Variants in VWDE observed in about 807,000 individuals in gnomAD.
VWDE encodes von Willebrand factor D and EGF domains, also known as von Willebrand factor D and EGF domain-containing protein.
VWDE carries 207 observed loss-of-function variants against 178.4 expected under a neutral mutation model. That is an observed-to-expected ratio of 1.16 (90% CI 1.04 to 1.30). The LOEUF is 1.30. Ranked by LOEUF, VWDE falls within the 50% of genes most tolerant of loss-of-function variation. VWDE has a pLI of 0.00. For synonymous variants in VWDE, 738 were observed against 651.4 expected (o/e 1.13, Z -2.02); for missense variants, 2,287 against 1,901.3 (o/e 1.20, Z -3.77).
Position 12,380,737 on chromosome 7 carries a change from G to C in VWDE, c.542-4C>G, listed in dbSNP as rs1473846965. The C allele has an allele frequency of 1.9e-6, 3 of 1,550,848 alleles. No homozygotes were observed. Among genetic ancestry groups the C allele is most frequent in the Middle Eastern group, 1.7e-4 (1 of 5,986 alleles). ...GGCAATGAGGCAGCCAGCTGACCTG[G>C]GGAGAAAATGCATAATTTGTAACTG... is the stretch of plus-strand genomic sequence containing the variant. On this transcript the variant is annotated splice_polypyrimidine_tract_variant and splice_region_variant and intron_variant, in intron 4 of 28. Transcript: ENST00000275358.
In VWDE at chr7:12,336,246, G is replaced by A. The variant is rs200181513; in HGVS notation, c.4559-10C>T. On this transcript the variant is annotated splice_polypyrimidine_tract_variant and intron_variant, in intron 26 of 28. Coordinates refer to ENST00000275358, the MANE Select transcript of VWDE (RefSeq NM_001135924.3). ...TTCTGCAAGCAGATAGCTGCCAATC[G>A]AAATATAAACAAGTTAAAATTTTAA... The A allele has an allele frequency of 6.6e-5, 102 of 1,549,002 alleles. 1 individual carries two copies. Among genetic ancestry groups the A allele is most frequent in the Non-Finnish European group, 7.3e-5 (84 of 1,145,742 alleles).
At chr7:12,402,644 T>A (rs1366638004) in intron 1 of VWDE, among the ~76,000 whole-genome samples, 1 of 152,180 alleles carries the variant, frequency 6.6e-6, no homozygotes, top group Non-Finnish European at 1.5e-5. Context: ...ATGTATTTTT[T>A]AAAGTTATTC....
intron 2 of VWDE, among the ~76,000 whole-genome samples, chr7:12,390,930 T>C (rs1473436524): frequency 2.0e-5 from 3 of 152,142 alleles, no homozygotes; most frequent in Non-Finnish European, 4.4e-5. Context: ...AATAATTACA[T>C]GTACATTCGT....
intron 28 of VWDE, among the ~76,000 whole-genome samples, chr7:12,332,146 T>C (rs777700103): frequency 1.3e-5 from 2 of 150,338 alleles, no homozygotes; most frequent in Non-Finnish European, 2.9e-5. Flanking sequence ...AATTTATGTT[T>C]TAACCTATGT....
chr7:12,400,991 C>T (rs1471205266), intron 1 of VWDE, among the ~76,000 whole-genome samples: 1 of 152,102 alleles, frequency 6.6e-6, no homozygotes, highest in Non-Finnish European at 1.5e-5. Context: ...ACAGGGAAAG[C>T]ATTTTTAAAA....
At chr7:12,387,715 AAC>A (rs376163746) in intron 3 of VWDE, among the ~76,000 whole-genome samples, 166 of 152,214 alleles carry the variant, frequency 1.1e-3, no homozygotes, top group African/African-American at 3.7e-3. Flanking sequence ...TGGGGAGTCT[AAC>A]AACCTCAGTA....
intron 15 of VWDE, among the ~76,000 whole-genome samples, chr7:12,360,405 A>G (rs1334038906): frequency 6.6e-6 from 1 of 152,236 alleles, no homozygotes; most frequent in African/African-American, 2.4e-5. Context: ...TTATGAATAT[A>G]TGGAAATGGA....
At chr7:12,402,762 G>C (rs1664838790) in intron 1 of VWDE, among the ~76,000 whole-genome samples, 1 of 152,004 alleles carries the variant, frequency 6.6e-6, no homozygotes. Context: ...TTTTGTATAG[G>C]ATAGTGTTTG....
chr7:12,403,222 A>G (rs1784994393), intron 1 of VWDE, among the ~76,000 whole-genome samples: 1 of 152,220 alleles, frequency 6.6e-6, no homozygotes, highest in South Asian at 2.1e-4. Context: ...TAAAATGTTC[A>G]CCAATGAATT....
rs180734327 is a variant in VWDE at position 12,337,045 on chromosome 7, C to G, written c.4501G>C (p.Val1501Leu). The G allele has an allele frequency of 6.7e-5, 104 of 1,551,598 alleles. No individual in the cohort carries two copies. The South Asian group carries it at 1.2e-3, about 18-fold the overall frequency. Residue 1501 changes from valine (V) to leucine (L), a missense_variant, in exon 26 of 29, where the codon GTG becomes CTG. Transcript: ENST00000275358. Reference protein sequence around the residue: ...DPTCMNGGKCVGPSTCSCPSG... With the variant: ...DPTCMNGGKCLGPSTCSCPSG... Reference sequence around the variant, plus strand: ...GGACAAGAGCAAGTGCTTGGTCCCACACATTTTCCTCCATTCATGCACGTA... The same window carrying G: ...GGACAAGAGCAAGTGCTTGGTCCCAGACATTTTCCTCCATTCATGCACGTA...
chr7:12,333,787 T>C (rs1044568457), intron 27 of VWDE: 2 of 368,414 alleles, frequency 5.4e-6, no homozygotes, highest in East Asian at 4.1e-5. Context: ...ACAACACTTT[T>C]GGAATTCTAT....
At chr7:12,343,414 T>C (rs1215565491) in intron 21 of VWDE, among the ~76,000 whole-genome samples, 1 of 152,200 alleles carries the variant, frequency 6.6e-6, no homozygotes, top group Non-Finnish European at 1.5e-5. Context: ...GAAGAAAATA[T>C]AGGACCTTGG....
At position 12,357,618 on chromosome 7, in the gene VWDE, T is replaced by C. The variant is rs570255775; in HGVS notation, c.3275-103A>G. ...ATATGCATTTTGATAAAGACTGAAC[T>C]CTGCTAAAAGGTCTATTAGCTGCTT... On this transcript the variant is annotated intron_variant, in intron 16 of 28. Coordinates refer to ENST00000275358, the MANE Select transcript of VWDE (RefSeq NM_001135924.3). The C allele has an allele frequency of 1.6e-5, 21 of 1,316,180 alleles. No homozygotes were observed. The African/African-American group carries it at 2.2e-4, about 14-fold the overall frequency. The allele number at this position is 1,316,180 out of a possible 1,614,324, so 81.5% of individuals were successfully genotyped here.
intron 13 of VWDE, among the ~76,000 whole-genome samples, chr7:12,363,807 A>C (rs1351026056): frequency 6.6e-6 from 1 of 152,050 alleles, no homozygotes; most frequent in South Asian, 2.1e-4. Flanking sequence ...AAATAATTAT[A>C]ATCAACCAGA....
At chr7:12,342,212 G>T in intron 22 of VWDE, 58 bp from the exon 23 acceptor site, 1 of 1,388,520 alleles carries the variant, frequency 7.2e-7, no homozygotes. Context: ...CATATTGTTG[G>T]TTATTATCTA....
At chr7:12,389,041 C>T in intron 3 of VWDE, 86 bp downstream of exon 3, 2 of 960,504 alleles carry the variant, frequency 2.1e-6, no homozygotes, top group Non-Finnish European at 3.3e-6. Context: ...GAGATTTGCA[C>T]TAACTCAATA....
intron 2 of VWDE, among the ~76,000 whole-genome samples, chr7:12,389,802 T>C (rs1018928706): frequency 1.3e-5 from 2 of 152,020 alleles, no homozygotes; most frequent in African/African-American, 2.4e-5. Flanking sequence ...CAGGAGGCAA[T>C]AAAATCGGGG....
intron 23 of VWDE, 78 bp from the exon 24 acceptor site, chr7:12,340,495 G>T: frequency 1.0e-6 from 1 of 967,936 alleles, no homozygotes; most frequent in Non-Finnish European, 1.5e-6. Context: ...AGTGCAAAAT[G>T]GTGCATAATG....
At position 12,351,635 on chromosome 7, in the gene VWDE, T is replaced by A; in HGVS notation, c.3824A>T (p.Glu1275Val). 1 of 1,547,308 alleles carries A rather than the reference T, an allele frequency of 6.5e-7. No homozygotes were observed. Among genetic ancestry groups the A allele is most frequent in the Non-Finnish European group, 8.7e-7 (1 of 1,145,558 alleles). The change falls in exon 19 of 29, where the codon GAG (glutamate) becomes GTG (valine). Residue 1275 changes from glutamate to valine, a missense_variant. Transcript: ENST00000275358. The part of the protein sequence containing the change: ...TRSDKSVNKE[E>V]DDKNAQGRKR... ...TCTCCCTTGGGCATTTTTATCATCCTCTTCTTTATTTACACTTTTATCAGA... is the reference window on the plus strand; with the variant it reads ...TCTCCCTTGGGCATTTTTATCATCCACTTCTTTATTTACACTTTTATCAGA...
Sources: gnomAD v4.1 joint callset for allele counts (sites outside exome capture counted in the v4.1 genomes callset) on GRCh38, gnomAD v4.1.1 for gene constraint, MANE v1.5 for transcripts, NCBI Gene and HGNC (gene_info 2026-07-23, HGNC 2026-07-21) for gene names.